The following AHI1 variants were observed in gnomAD, a reference collection of about 807,000 sequenced individuals.
AHI1 encodes the protein jouberin.
A neutral mutation model predicts 149.3 loss-of-function variants in AHI1; 123 were observed. The ratio of observed to expected loss-of-function variants is 0.82; its 90% CI spans 0.71 to 0.96. The LOEUF (loss-of-function observed/expected upper bound fraction) is 0.96. Among genes scored for constraint, AHI1 ranks in the 40% least tolerant of loss-of-function variants. The pLI, the probability that AHI1 is intolerant of heterozygous loss-of-function variation, is 0.00. For synonymous variants in AHI1, 475 were observed against 459.8 expected (o/e 1.03, Z -0.42); for missense variants, 1,439 against 1,422.7 (o/e 1.01, Z -0.18).
At chr6:135,316,595 T>C (rs1314458065) in intron 26 of AHI1, among the ~76,000 whole-genome samples, 1 of 152,106 alleles carries the variant, frequency 6.6e-6, no homozygotes, top group Non-Finnish European at 1.5e-5. Context: ...TTTCTTTTTT[T>C]CCTTTTCCTT....
chr6:135,416,039 A>T (rs1263851377), intron 20 of AHI1, among the ~76,000 whole-genome samples: 1 of 152,128 alleles, frequency 6.6e-6, no homozygotes, highest in Admixed American at 6.6e-5. Context: ...GGGATGAAAT[A>T]TGTTCATTAT....
intron 9 of AHI1, among the ~76,000 whole-genome samples, chr6:135,456,544 CA>C (rs776119975): frequency 0.046 from 3,881 of 84,724 alleles, 119 homozygotes; most frequent in African/African-American, 0.12. Context: ...GATATTGTCT[CA>C]AAAAAAAAAA....
chr6:135,303,815 C>A (rs942346313), intron 26 of AHI1, among the ~76,000 whole-genome samples: 1 of 152,114 alleles, frequency 6.6e-6, no homozygotes, highest in African/African-American at 2.4e-5. Context: ...TGGCCTGGCA[C>A]CCCCTGCTTC....
chr6:135,361,483 G>C (rs1793854190), intron 23 of AHI1, among the ~76,000 whole-genome samples: 1 of 151,972 alleles, frequency 6.6e-6, no homozygotes, highest in South Asian at 2.1e-4. Flanking sequence ...TTGAAATCTA[G>C]GTTAATAGCC....
At chr6:135,349,740 A>G (rs1243364403) in intron 24 of AHI1, among the ~76,000 whole-genome samples, 1 of 152,208 alleles carries the variant, frequency 6.6e-6, no homozygotes, top group Non-Finnish European at 1.5e-5. Context: ...GCTCTAATAT[A>G]TTGTCTTTGA....
intron 15 of AHI1, among the ~76,000 whole-genome samples, chr6:135,436,214 A>C (rs1331677852): frequency 3.3e-5 from 5 of 152,212 alleles, no homozygotes; most frequent in African/African-American, 1.2e-4. Flanking sequence ...CCTGGGGATA[A>C]AACATATAGA....
chr6:135,354,582 T>C (rs994419514), intron 24 of AHI1, among the ~76,000 whole-genome samples: 8 of 152,144 alleles, frequency 5.3e-5, no homozygotes, highest in African/African-American at 1.9e-4. Flanking sequence ...GGACTCAAAC[T>C]TGTGCTGACT....
intron 28 of AHI1, among the ~76,000 whole-genome samples, 155 bp from the exon 29 acceptor site, chr6:135,285,802 C>T (rs544669460): frequency 2.0e-5 from 3 of 152,318 alleles, no homozygotes; most frequent in East Asian, 3.9e-4. Flanking sequence ...GACCAAAATA[C>T]TAATTTCCTA....
At chr6:135,398,459 A>G (rs1046602592) in intron 22 of AHI1, among the ~76,000 whole-genome samples, 1 of 152,206 alleles carries the variant, frequency 6.6e-6, no homozygotes, top group Non-Finnish European at 1.5e-5. Context: ...AGCTAAAACC[A>G]GTATTCAAAT....
intron 24 of AHI1, among the ~76,000 whole-genome samples, chr6:135,331,016 T>C (rs915967887): frequency 2.0e-5 from 3 of 152,216 alleles, no homozygotes; most frequent in Non-Finnish European, 2.9e-5. Flanking sequence ...AGGTTTGTTC[T>C]GAAGTAACAG....
In AHI1 at chr6:135,471,944, G is replaced by A. The variant is rs578251814; in HGVS notation, c.136-4310C>T. 1.8e-4 allele frequency among the ~76,000 whole-genome samples: 26 copies of A among 146,492 alleles called. No individual in the cohort carries two copies. In the South Asian group the frequency reaches 4.4e-3, roughly 25 times the overall value. ...GGAGAATGGCGTGAACCTGGGAAGC[G>A]GAGCTTGCAGTGAGCCGAGATTGCG... On this transcript the variant is annotated intron_variant, in intron 5 of 28. Coordinates refer to ENST00000265602, the MANE Select transcript of AHI1 (RefSeq NM_001134831.2).
chr6:135,486,184 T>C (rs953622280), intron 5 of AHI1, among the ~76,000 whole-genome samples: 5 of 152,210 alleles, frequency 3.3e-5, no homozygotes, highest in African/African-American at 4.8e-5. Flanking sequence ...TGAAAAGACA[T>C]CTTCCCTTGC....
chr6:135,313,481 T>C (rs1785495428), intron 26 of AHI1, among the ~76,000 whole-genome samples: 1 of 152,148 alleles, frequency 6.6e-6, no homozygotes, highest in South Asian at 2.1e-4. Flanking sequence ...CTATTAGAAT[T>C]AAGGTTTGGG....
At chr6:135,458,823 G>A (rs191344298) in intron 8 of AHI1, among the ~76,000 whole-genome samples, 4 of 152,284 alleles carry the variant, frequency 2.6e-5, no homozygotes, top group Admixed American at 6.5e-5. Flanking sequence ...AAGTGGAAAA[G>A]CACTGAAGGG....
intron 24 of AHI1, among the ~76,000 whole-genome samples, chr6:135,337,284 C>T (rs1168588112): frequency 6.6e-6 from 1 of 152,176 alleles, no homozygotes; most frequent in African/African-American, 2.4e-5. Flanking sequence ...ACCAAACAAG[C>T]AAGCTACATG....
chr6:135,323,243 T>C lies in AHI1; in HGVS notation c.3247A>G (p.Lys1083Glu). Residue 1083 changes from lysine to glutamate, a missense_variant, in exon 25 of 29, where the codon AAA (lysine) becomes GAA (glutamate). Coordinates refer to ENST00000265602, the MANE Select transcript of AHI1 (RefSeq NM_001134831.2). Reference sequence around the variant, plus strand: ...CCATACCACCAGTCTTCATTATCTTTGAAAAACACTCGGATAATGTCTCCG... The same window carrying C: ...CCATACCACCAGTCTTCATTATCTTCGAAAAACACTCGGATAATGTCTCCG... ...HRGDIIRVFF[K>E]DNEDWWYGSI... The C allele has an allele frequency of 6.2e-7, 1 of 1,613,906 alleles. No homozygotes were observed. Among genetic ancestry groups the C allele is most frequent in the Non-Finnish European group, 8.5e-7 (1 of 1,179,834 alleles).
intron 24 of AHI1, among the ~76,000 whole-genome samples, chr6:135,348,060 G>A (rs1046477966): frequency 2.0e-5 from 3 of 152,178 alleles, no homozygotes. Flanking sequence ...GTTAGTGACG[G>A]CCGTGTGGCT....
intron 18 of AHI1, among the ~76,000 whole-genome samples, 161 bp downstream of exon 18, chr6:135,429,721 G>A (rs1282306768): frequency 2.7e-5 from 4 of 150,934 alleles, no homozygotes; most frequent in African/African-American, 9.7e-5. Context: ...TTAGATACTA[G>A]AAGCAACATA....
chr6:135,357,029 C>G (rs758925699), intron 24 of AHI1, among the ~76,000 whole-genome samples: 1 of 152,166 alleles, frequency 6.6e-6, no homozygotes, highest in Non-Finnish European at 1.5e-5. Context: ...ACCTTCACCT[C>G]CTGGGTTCAA....
Sources: allele counts gnomAD v4.1 joint callset (sites outside exome capture counted in the v4.1 genomes callset), GRCh38; gene constraint gnomAD v4.1.1; transcripts MANE v1.5; gene names NCBI Gene and HGNC (gene_info 2026-07-23, HGNC 2026-07-21).